Variants in MCC observed in about 807,000 individuals in gnomAD.
The protein encoded by MCC is MCC regulator of Wnt signaling pathway, also known as colorectal mutant cancer protein.
In MCC, 90 loss-of-function variants were observed where a neutral mutation model predicts 116.2. That is an observed-to-expected ratio of 0.77 (90% confidence interval 0.65 to 0.92). The LOEUF is 0.92. Among genes scored for constraint, MCC ranks in the 40% least tolerant of loss-of-function variants. MCC has a pLI of 0.00. For missense variants in MCC, 1,516 were observed against 1,312.2 expected (o/e 1.16, Z -2.40); for synonymous variants, 578 against 510.5 (o/e 1.13, Z -1.78).
In MCC at chr5:113,482,922, T is replaced by C. The variant is rs1772416034; in HGVS notation, c.170+5323A>G. On this transcript the variant is annotated intron_variant, in intron 1 of 18. Coordinates refer to ENST00000408903, the MANE Select transcript of MCC (RefSeq NM_001085377.2). ...GTTTTTGATACATTTTGAGGTAATT[T>C]TTGTAGATGGTGTGAGGAAAGTGTC... is the stretch of plus-strand genomic sequence containing the variant. Among the ~76,000 whole-genome samples the C allele has an allele frequency of 2.0e-5, 3 of 152,324 alleles. No homozygotes were observed. The South Asian group carries it at 6.2e-4, about 32-fold the overall frequency.
Position 113,488,393 on chromosome 5 carries a change from C to A in MCC, c.22G>T (p.Ala8Ser). 7.1e-7 allele frequency: 1 copy of A among 1,405,742 alleles called. No homozygotes were observed. The highest frequency in any genetic ancestry group is 1.7e-5 in the South Asian group (1 of 57,904). The allele number at this position is 1,405,742 out of a possible 1,614,324, so 87.1% of individuals were successfully genotyped here. A position where few individuals can be genotyped will look rare whatever the true frequency, so the allele number is the denominator to read the frequency against. Residue 8 changes from alanine (A) to serine (S), a missense_variant, in exon 1 of 19, where the codon GCG (alanine) becomes TCG (serine). Ala to Ser is a moderately conservative substitution (Grantham distance 99). Transcript: ENST00000408903. ...CCGCTGCTGGAGCTCCCCGCAGCCG[C>A]TGCCGCCGCGGCCGCCATCATGCGC... MMAAAAA[A>S]AAGSSSSGGG...
intron 3 of MCC, among the ~76,000 whole-genome samples, chr5:113,152,647 C>T (rs762914808): frequency 2.6e-5 from 4 of 152,154 alleles, no homozygotes; most frequent in Non-Finnish European, 5.9e-5. Context: ...CCACACACAG[C>T]ATGTTGGCTG....
intron 2 of MCC, among the ~76,000 whole-genome samples, chr5:113,341,963 A>G (rs11949669): frequency 0.041 from 6,160 of 152,028 alleles, 417 homozygotes; most frequent in African/African-American, 0.14. Context: ...GCTGTGCCCA[A>G]TGTGTAGTCT....
At chr5:113,430,581 A>G (rs1770605813) in intron 1 of MCC, among the ~76,000 whole-genome samples, 1 of 152,214 alleles carries the variant, frequency 6.6e-6, no homozygotes, top group African/African-American at 2.4e-5. Context: ...TCCTCAGGAC[A>G]GTTGCTCAGG....
At chr5:113,071,393 A>G (rs1338630168) in intron 11 of MCC, among the ~76,000 whole-genome samples, 159 bp from the exon 12 acceptor site, 1 of 152,214 alleles carries the variant, frequency 6.6e-6, no homozygotes, top group Non-Finnish European at 1.5e-5. Flanking sequence ...ACTCTACATA[A>G]AAGTATCACC....
Position 113,022,166 on chromosome 5 carries a change from G to A in MCC, c.*5136C>T, listed in dbSNP as rs1580852326. The A allele has an allele frequency of 1.3e-5, 2 of 152,524 alleles. No homozygotes were observed. The highest frequency in any genetic ancestry group is 6.6e-5 in the Admixed American group (1 of 15,266). 9.4% of individuals were successfully genotyped at this position (152,524 alleles called of 1,614,324 possible). A position where few individuals can be genotyped will look rare whatever the true frequency, so the allele number is the denominator to read the frequency against. On this transcript the variant is annotated 3_prime_UTR_variant, in exon 19 of 19. Transcript: ENST00000408903. ...TTTGTAAAATATTATAAATGTCTCT[G>A]TATAAATAAATGGAGTTTTTAAAAA...
At chr5:113,265,966 G>A (rs1765402703) in intron 3 of MCC, among the ~76,000 whole-genome samples, 1 of 152,092 alleles carries the variant, frequency 6.6e-6, no homozygotes. Context: ...CCATAATATA[G>A]GTAGGGAAAA....
At chr5:113,225,622 A>G (rs1319667813) in intron 3 of MCC, among the ~76,000 whole-genome samples, 1 of 152,158 alleles carries the variant, frequency 6.6e-6, no homozygotes, top group Non-Finnish European at 1.5e-5. Context: ...CACCTCCTTG[A>G]TCTTCTAACA....
chr5:113,255,882 A>C (rs932400789), intron 3 of MCC, among the ~76,000 whole-genome samples: 19 of 152,176 alleles, frequency 1.2e-4, no homozygotes, highest in African/African-American at 4.6e-4. Flanking sequence ...CAAGCACAGC[A>C]AAGGGAGTAA....
chr5:113,299,876 G>A (rs1463886030), intron 3 of MCC, among the ~76,000 whole-genome samples: 1 of 152,146 alleles, frequency 6.6e-6, no homozygotes, highest in Non-Finnish European at 1.5e-5. Flanking sequence ...TGGTGCTTGG[G>A]TTCCTCTCCT....
intron 8 of MCC, among the ~76,000 whole-genome samples, chr5:113,095,686 T>C (rs1755962391): frequency 6.6e-6 from 1 of 151,054 alleles, no homozygotes; most frequent in African/African-American, 2.5e-5. Flanking sequence ...ACTTGGCTAA[T>C]TAAAAAAAAA....
At chr5:113,286,103 C>CT (rs1766246042) in intron 3 of MCC, among the ~76,000 whole-genome samples, 1 of 152,210 alleles carries the variant, frequency 6.6e-6, no homozygotes, top group South Asian at 2.1e-4. Context: ...CAACTTTACT[C>CT]TGTCTCTGCC....
rs1396913027 is a variant in MCC at position 113,484,588 on chromosome 5, C to T, written c.170+3657G>A. ...TTGTAAAGGGCACTTTGAAAGAAAG[C>T]AATCAGTACTATGATGGACAATAAC... is the stretch of plus-strand genomic sequence containing the variant. On this transcript the variant is annotated intron_variant, in intron 1 of 18. Transcript: ENST00000408903. Among the ~76,000 whole-genome samples the T allele has an allele frequency of 3.9e-5, 6 of 152,124 alleles. No homozygotes were observed. In the East Asian group the frequency reaches 9.6e-4, roughly 24 times the overall value.
chr5:113,401,251 G>A (rs1329171710), intron 1 of MCC, among the ~76,000 whole-genome samples: 1 of 152,114 alleles, frequency 6.6e-6, no homozygotes, highest in East Asian at 1.9e-4. Context: ...GTAAAAAGAT[G>A]TATATTACAA....
At chr5:113,278,112 A>G (rs1216490753) in intron 3 of MCC, among the ~76,000 whole-genome samples, 1 of 152,192 alleles carries the variant, frequency 6.6e-6, no homozygotes. Flanking sequence ...CAGCCATGAC[A>G]ACATGGTCTG....
At chr5:113,177,238 C>G (rs1233065055) in intron 3 of MCC, among the ~76,000 whole-genome samples, 2 of 152,172 alleles carry the variant, frequency 1.3e-5, no homozygotes, top group Non-Finnish European at 2.9e-5. Flanking sequence ...CTCTAGTAGT[C>G]TGTAAACTCC....
At chr5:113,158,702 T>C (rs1030980926) in intron 3 of MCC, among the ~76,000 whole-genome samples, 10 of 152,072 alleles carry the variant, frequency 6.6e-5, no homozygotes, top group African/African-American at 2.4e-4. Flanking sequence ...AGAAGAGGGG[T>C]AGAAAATCAG....
At chr5:113,030,038 G>A (rs1483744490) in intron 17 of MCC, among the ~76,000 whole-genome samples, 1 of 152,186 alleles carries the variant, frequency 6.6e-6, no homozygotes, top group Non-Finnish European at 1.5e-5. Context: ...TGAAGGTAAT[G>A]TATTTGATTC....
At chr5:113,450,331 T>C (rs1055632781) in intron 1 of MCC, among the ~76,000 whole-genome samples, 5 of 152,190 alleles carry the variant, frequency 3.3e-5, no homozygotes, top group African/African-American at 1.2e-4. Flanking sequence ...TGCAGAAGAA[T>C]CTCTGGGAGG....
Sources: gnomAD v4.1 joint callset for allele counts (sites outside exome capture counted in the v4.1 genomes callset) on GRCh38, gnomAD v4.1.1 for gene constraint, MANE v1.5 for transcripts, NCBI Gene and HGNC (gene_info 2026-07-23, HGNC 2026-07-21) for gene names.